The following NAALADL2 variants were observed in gnomAD, a reference collection of about 807,000 sequenced individuals.
NAALADL2 encodes inactive N-acetylated-alpha-linked acidic dipeptidase-like protein 2.
In NAALADL2, 76 loss-of-function variants were observed where a neutral mutation model predicts 87.2. That is an observed-to-expected ratio of 0.87 (90% CI 0.72 to 1.05). The LOEUF (loss-of-function observed/expected upper bound fraction) is 1.05, where lower values mean the gene tolerates loss of function less well. NAALADL2 is among the 50% of genes least tolerant of loss of function. The pLI, the probability that NAALADL2 is intolerant of heterozygous loss-of-function variation, is 0.00. For missense variants in NAALADL2, 1,089 were observed against 945.8 expected (o/e 1.15, Z -1.99); for synonymous variants, 354 against 331.0 (o/e 1.07, Z -0.75).
chr3:174,908,383 G>T (rs1199620468), intron 1 of NAALADL2, among the ~76,000 whole-genome samples: 1 of 152,052 alleles, frequency 6.6e-6, no homozygotes, highest in African/African-American at 2.4e-5. Flanking sequence ...CAGATGGAAA[G>T]TTCAGACTGG....
intron 2 of NAALADL2, among the ~76,000 whole-genome samples, chr3:175,150,673 G>T (rs3866331): frequency 0.28 from 42,491 of 152,008 alleles, 6,377 homozygotes; most frequent in Non-Finnish European, 0.34. Context: ...GGGATATAAA[G>T]ATTATCAGGG....
At chr3:174,948,284 C>T (rs911128031) in intron 1 of NAALADL2, among the ~76,000 whole-genome samples, 3 of 152,100 alleles carry the variant, frequency 2.0e-5, no homozygotes, top group Non-Finnish European at 4.4e-5. Flanking sequence ...TGAAGCAGTT[C>T]TCTTGCCTCA....
intron 5 of NAALADL2, among the ~76,000 whole-genome samples, chr3:175,355,431 G>T (rs995865903): frequency 2.0e-5 from 3 of 152,056 alleles, no homozygotes; most frequent in East Asian, 1.9e-4. Flanking sequence ...ACCAGCAAGT[G>T]CATGAGACCT....
chr3:175,064,859 G>C (rs899547343), intron 1 of NAALADL2, among the ~76,000 whole-genome samples: 1 of 152,118 alleles, frequency 6.6e-6, no homozygotes, highest in African/African-American at 2.4e-5. Flanking sequence ...AATTGGCTTG[G>C]TTTTCATCAA....
At chr3:175,444,177 A>C (rs1720294593) in intron 5 of NAALADL2, among the ~76,000 whole-genome samples, 1 of 152,202 alleles carries the variant, frequency 6.6e-6, no homozygotes, top group Admixed American at 6.5e-5. Context: ...GGGGAGAGAT[A>C]CAATCATACA....
chr3:175,062,357 C>T (rs927409930), intron 1 of NAALADL2, among the ~76,000 whole-genome samples: 2 of 152,012 alleles, frequency 1.3e-5, no homozygotes, highest in African/African-American at 4.8e-5. Context: ...GTTGGCTCAG[C>T]TAGTTCTTTG....
At chr3:174,656,760 C>T (rs2108767974) in intron 2 of NAALADL2, among the ~76,000 whole-genome samples, 1 of 152,162 alleles carries the variant, frequency 6.6e-6, no homozygotes, top group African/African-American at 2.4e-5. Flanking sequence ...AAATTTTTTA[C>T]TCTTTGTTAT....
At chr3:175,421,068 A>G (rs1644847690) in intron 5 of NAALADL2, among the ~76,000 whole-genome samples, 1 of 151,946 alleles carries the variant, frequency 6.6e-6, no homozygotes, top group African/African-American at 2.4e-5. Flanking sequence ...GCATTTAGTT[A>G]TTCTCTAAGT....
chr3:175,139,427 A>G (rs1039778034), intron 2 of NAALADL2, among the ~76,000 whole-genome samples: 2 of 152,088 alleles, frequency 1.3e-5, no homozygotes, highest in Admixed American at 6.6e-5. Flanking sequence ...TAGAATTGCA[A>G]AAGTCATTAT....
intron 2 of NAALADL2, among the ~76,000 whole-genome samples, chr3:174,680,478 GT>G (rs1439250283): frequency 6.6e-6 from 1 of 151,934 alleles, no homozygotes; most frequent in Non-Finnish European, 1.5e-5. Context: ...AAGTATCTTT[GT>G]TTTTTCTTTA....
chr3:175,470,124 CAA>C, intron 8 of NAALADL2, among the ~76,000 whole-genome samples: 1 of 152,126 alleles, frequency 6.6e-6, no homozygotes, highest in East Asian at 1.9e-4. Flanking sequence ...CATGTTATCA[CAA>C]AAGAGATAAG....
intron 11 of NAALADL2, among the ~76,000 whole-genome samples, chr3:175,641,689 T>G (rs932715397): frequency 6.6e-6 from 1 of 152,178 alleles, no homozygotes; most frequent in African/African-American, 2.4e-5. Context: ...CTTCTCAGAG[T>G]ATATGCACGT....
chr3:175,623,231 A>C (rs1231999570), intron 10 of NAALADL2, among the ~76,000 whole-genome samples: 1 of 148,414 alleles, frequency 6.7e-6, no homozygotes, highest in African/African-American at 2.5e-5. Flanking sequence ...CCAAATCTAG[A>C]AAACCGAATT....
At chr3:174,916,720 C>T (rs6779046) in intron 1 of NAALADL2, among the ~76,000 whole-genome samples, 56,293 of 151,578 alleles carry the variant, frequency 0.37, 11,295 homozygotes, top group African/African-American at 0.53. Flanking sequence ...GATGAGGAGA[C>T]TGGGAAAAGG....
intron 5 of NAALADL2, among the ~76,000 whole-genome samples, chr3:175,395,909 T>G (rs1449262815): frequency 6.6e-6 from 1 of 152,182 alleles, no homozygotes; most frequent in Non-Finnish European, 1.5e-5. Context: ...ATATATGAAC[T>G]GCTTCTCTTC....
intron 5 of NAALADL2, among the ~76,000 whole-genome samples, chr3:175,424,401 G>T (rs1234256024): frequency 2.0e-5 from 3 of 151,972 alleles, no homozygotes; most frequent in Admixed American, 6.6e-5. Flanking sequence ...GGTCTAACAT[G>T]TAAGTCTTTA....
chr3:174,652,567 C>T (rs943641904), intron 2 of NAALADL2, among the ~76,000 whole-genome samples: 12 of 148,646 alleles, frequency 8.1e-5, no homozygotes, highest in Non-Finnish European at 1.3e-4. Flanking sequence ...CATCAGATCT[C>T]GTGAAACTTA....
intron 5 of NAALADL2, among the ~76,000 whole-genome samples, chr3:175,373,082 A>G (rs1766697977): frequency 6.6e-6 from 1 of 152,194 alleles, no homozygotes. Context: ...CATGCAACCA[A>G]TCAAAGCCAT....
intron 1 of NAALADL2, among the ~76,000 whole-genome samples, chr3:174,906,773 G>T (rs567760233): frequency 6.6e-6 from 1 of 152,192 alleles, no homozygotes; most frequent in South Asian, 2.1e-4. Flanking sequence ...CAGAAAATGT[G>T]AAATAACTTG....
Sources: gnomAD v4.1 joint callset for allele counts (sites outside exome capture counted in the v4.1 genomes callset) on GRCh38, gnomAD v4.1.1 for gene constraint, MANE v1.5 for transcripts, NCBI Gene and HGNC (gene_info 2026-07-23, HGNC 2026-07-21) for gene names.